The following DRC8 variants were observed in gnomAD, a reference collection of about 807,000 sequenced individuals.
DRC8 encodes dynein regulatory complex protein 8.
chr1:245,056,741 T>C, the DRC8 span, among the ~76,000 whole-genome samples: 5 of 151,912 alleles, frequency 3.3e-5, no homozygotes, highest in African/African-American at 1.2e-4. Flanking sequence ...ATCAAGACCA[T>C]CCTGGCCAAC....
At chr1:244,988,106 T>C in the DRC8 span, among the ~76,000 whole-genome samples, 1 of 152,204 alleles carries the variant, frequency 6.6e-6, no homozygotes, top group Non-Finnish European at 1.5e-5. Context: ...TTTCCATTGA[T>C]GGAAAACAAA....
chr1:245,001,089 A>T, the DRC8 span, among the ~76,000 whole-genome samples: 1 of 152,208 alleles, frequency 6.6e-6, no homozygotes, highest in East Asian at 1.9e-4. Flanking sequence ...AGAGTTATTA[A>T]CAGTTAACAT....
chr1:244,986,763 G>T, the DRC8 span, among the ~76,000 whole-genome samples: 3 of 143,680 alleles, frequency 2.1e-5, 1 homozygote, highest in East Asian at 6.4e-4. Context: ...AAAAAAAAAA[G>T]ATCACTTGCT....
chr1:245,098,207 G>A, the DRC8 span, among the ~76,000 whole-genome samples: 3 of 152,172 alleles, frequency 2.0e-5, no homozygotes, highest in African/African-American at 4.8e-5. Flanking sequence ...CATACTATTC[G>A]TTAAGGTTGA....
the DRC8 span, among the ~76,000 whole-genome samples, chr1:244,998,964 C>A: frequency 0.017 from 2,476 of 146,400 alleles, 57 homozygotes; most frequent in African/African-American, 0.054. Flanking sequence ...GATCTGCCTT[C>A]TTTGGCTTAC....
chr1:245,052,660 G>A, the DRC8 span, among the ~76,000 whole-genome samples: 1 of 152,222 alleles, frequency 6.6e-6, no homozygotes, highest in African/African-American at 2.4e-5. Flanking sequence ...GGAGAAGCTG[G>A]GCAGGTGGAG....
the DRC8 span, among the ~76,000 whole-genome samples, chr1:245,026,780 G>A: frequency 1.3e-4 from 20 of 152,080 alleles, no homozygotes; most frequent in African/African-American, 3.9e-4. Flanking sequence ...ACAAAAGGAC[G>A]GAAACATAGT....
the DRC8 span, among the ~76,000 whole-genome samples, chr1:245,089,183 A>G: frequency 9.2e-5 from 14 of 152,128 alleles, no homozygotes; most frequent in Admixed American, 9.2e-4. The surrounding 1 kb of genome is among the most constrained non-coding windows in gnomAD (Gnocchi z 4.8). Flanking sequence ...ATTCATTCAG[A>G]TAAGAAGTCC....
the DRC8 span, among the ~76,000 whole-genome samples, chr1:245,114,952 G>A: frequency 1.5e-3 from 232 of 152,248 alleles, no homozygotes; most frequent in Non-Finnish European, 2.2e-3. Flanking sequence ...TCTCGATCTC[G>A]TGACCTTGTG....
At chr1:244,999,524 AT>A in the DRC8 span, among the ~76,000 whole-genome samples, 1 of 152,206 alleles carries the variant, frequency 6.6e-6, no homozygotes, top group African/African-American at 2.4e-5. Flanking sequence ...AGTTAAGATT[AT>A]TTATTAATAT....
At chr1:244,984,786 GATC>G in the DRC8 span, among the ~76,000 whole-genome samples, 1 of 148,714 alleles carries the variant, frequency 6.7e-6, no homozygotes, top group Non-Finnish European at 1.5e-5. Flanking sequence ...GGTGAGCCGA[GATC>G]ATGCCACTAC....
At chr1:245,104,373 GCA>G in the DRC8 span, among the ~76,000 whole-genome samples, 6 of 151,828 alleles carry the variant, frequency 4.0e-5, no homozygotes, top group East Asian at 1.9e-4. Flanking sequence ...GTGTGGTGGC[GCA>G]TGCCTGTAAT....
At chr1:244,995,546 A>T in the DRC8 span, among the ~76,000 whole-genome samples, 2 of 151,964 alleles carry the variant, frequency 1.3e-5, no homozygotes, top group African/African-American at 2.4e-5. Context: ...TTTTGTAGAG[A>T]TGAGGTCTCT....
chr1:244,973,642 AGT>A, the DRC8 span, among the ~76,000 whole-genome samples: 1 of 152,214 alleles, frequency 6.6e-6, no homozygotes, highest in African/African-American at 2.4e-5. Flanking sequence ...TTTATTTCAC[AGT>A]GCCACGGTAT....
At chr1:245,045,755 TTGTGG>T in the DRC8 span, among the ~76,000 whole-genome samples, 1 of 75,870 alleles carries the variant, frequency 1.3e-5, no homozygotes, top group Non-Finnish European at 3.2e-5. Context: ...GTCTGACTGG[TTGTGG>T]ACAGCAGCCA....
At chr1:245,060,245 C>T in the DRC8 span, among the ~76,000 whole-genome samples, 16 of 152,256 alleles carry the variant, frequency 1.1e-4, no homozygotes, top group Middle Eastern at 3.4e-3. Flanking sequence ...GAATTGTGAC[C>T]GTGGTGAGTC....
At chr1:244,979,224 C>A in the DRC8 span, among the ~76,000 whole-genome samples, 1 of 148,374 alleles carries the variant, frequency 6.7e-6, no homozygotes, top group Admixed American at 6.8e-5. Context: ...CAGAGCATGG[C>A]ATATAGCTCA....
chr1:245,100,413 A>G, the DRC8 span, among the ~76,000 whole-genome samples: 62 of 151,172 alleles, frequency 4.1e-4, no homozygotes, highest in Non-Finnish European at 5.2e-4. Flanking sequence ...AATAATAATA[A>G]TTGTTTAATG....
chr1:244,970,861 C>T, the DRC8 span: 6 of 249,410 alleles, frequency 2.4e-5, no homozygotes, highest in African/African-American at 1.2e-4. Flanking sequence ...CTGATAATGG[C>T]GTCGTTGTTC....
Sources: allele counts gnomAD v4.1 joint callset (sites outside exome capture counted in the v4.1 genomes callset), GRCh38; gene constraint gnomAD v4.1.1; non-coding constraint Gnocchi (gnomAD v3.1); transcripts MANE v1.5; gene names NCBI Gene and HGNC (gene_info 2026-07-23, HGNC 2026-07-21).